The following DARS1 variants were observed in gnomAD, a reference collection of about 807,000 sequenced individuals.
The protein encoded by DARS1 is aspartate--tRNA ligase, cytoplasmic.
DARS1 carries 51 observed loss-of-function variants against 68.8 expected under a neutral mutation model. The observed-to-expected ratio is 0.74, with a 90% CI of 0.59 to 0.94. The LOEUF (loss-of-function observed/expected upper bound fraction) is 0.94. DARS1 is among the 40% of genes least tolerant of loss of function. The probability of loss-of-function intolerance (pLI) is 0.00; values close to 1 mark genes in which losing one functional copy is unlikely to be tolerated. For missense variants in DARS1, 607 were observed against 597.3 expected, an observed-to-expected ratio of 1.02 and a Z score of -0.17; for synonymous variants, 203 against 190.4, an observed-to-expected ratio of 1.07 and a Z score of -0.55.
At chr2:135,971,321 C>G (rs1682364344) in intron 3 of DARS1, among the ~76,000 whole-genome samples, 1 of 152,070 alleles carries the variant, frequency 6.6e-6, no homozygotes, top group African/African-American at 2.4e-5. Context: ...ATTGTATCAA[C>G]AGGATGAAGG....
rs1057521361 is a variant in DARS1 at position 135,961,518 on chromosome 2, C to A, written c.218-20G>T. 8.0e-6 allele frequency: 9 copies of A among 1,125,892 alleles called. No individual in the cohort carries two copies. Among genetic ancestry groups the A allele is most frequent in the Non-Finnish European group, 1.2e-5 (9 of 733,582 alleles). 69.7% of individuals were successfully genotyped at this position (1,125,892 alleles called of 1,614,324 possible). ...GTTTCCCTGAAAAAGACAGAAAGAA[C>A]ACAAATGTATTAAGGACACGCAACT... On this transcript the variant is annotated intron_variant, in intron 3 of 15. Transcript: ENST00000264161.
chr2:135,922,571 G>A (rs1015063849), intron 9 of DARS1, among the ~76,000 whole-genome samples: 2 of 152,068 alleles, frequency 1.3e-5, no homozygotes, highest in African/African-American at 4.8e-5. Context: ...ACTGTTTAAA[G>A]TACTATTGAC....
chr2:135,916,403 G>T (rs756075351), intron 10 of DARS1, 31 bp from the exon 11 acceptor site: 4 of 1,353,936 alleles, frequency 3.0e-6, no homozygotes, highest in Non-Finnish European at 4.2e-6. Flanking sequence ...TTAATAAAAT[G>T]TATGAGATAA....
intron 5 of DARS1, 180 bp downstream of exon 5, chr2:135,943,198 T>C: frequency 2.4e-6 from 2 of 816,712 alleles, no homozygotes; most frequent in Non-Finnish European, 3.5e-6. Flanking sequence ...TAAATGTTTG[T>C]TGTTTCAAGT....
In DARS1 at chr2:135,947,162, C is replaced by T. The variant is rs146821991; in HGVS notation, c.321-3682G>A. Among the ~76,000 whole-genome samples, 1,312 of 151,920 alleles carry T rather than the reference C, an allele frequency of 8.6e-3. 16 individuals carry two copies. The highest frequency in any genetic ancestry group is 0.028 in the African/African-American group (1,158 of 41,494). On this transcript the variant is annotated intron_variant, in intron 4 of 15. Coordinates refer to ENST00000264161, the MANE Select transcript of DARS1 (RefSeq NM_001349.4). ...GCTCATGCCTGTAATCCCAGCACTT[C>T]TGGGAGGTCGGGGTGGGTGGATGAC...
chr2:135,976,124 G>T (rs1293173833), intron 3 of DARS1, among the ~76,000 whole-genome samples: 2 of 152,160 alleles, frequency 1.3e-5, no homozygotes, highest in African/African-American at 4.8e-5. Flanking sequence ...AAATGATCAT[G>T]TAGAGCTACA....
chr2:135,922,907 C>T lies in DARS1; in HGVS notation c.688G>A (p.Gly230Arg), dbSNP rs898875887. Residue 230 changes from glycine to arginine, a missense_variant, in exon 9 of 16, where the codon GGA (glycine) becomes AGA (arginine). Gly to Arg is a moderately radical substitution (Grantham distance 125). Transcript: ENST00000264161. Reference protein sequence around the residue: ...TPKIISAASEGGANVFTVSYF... With the variant: ...TPKIISAASERGANVFTVSYF... ...GACACAGTAAAAACATTGGCTCCTCCTTCACTGGCAGCTGAAAGGTAAACA... is the reference window on the plus strand; with the variant it reads ...GACACAGTAAAAACATTGGCTCCTCTTTCACTGGCAGCTGAAAGGTAAACA... 22 of 1,544,014 alleles carry T rather than the reference C, an allele frequency of 1.4e-5. No individual in the cohort carries two copies. Among genetic ancestry groups the T allele is most frequent in the Non-Finnish European group, 1.7e-5 (20 of 1,149,036 alleles).
rs1680777535 is a variant in DARS1 at position 135,906,255 on chromosome 2, TTA to T, written c.*1059_*1060del. Among the ~76,000 whole-genome samples the T allele has an allele frequency of 6.6e-6, 1 of 152,204 alleles. No individual in the cohort carries two copies. The highest frequency in any genetic ancestry group is 1.5e-5 in the Non-Finnish European group (1 of 68,034). The stretch of plus-strand genomic sequence containing the variant: ...TTTTTTCTTCCTGTACAAAAATATG[TTA>T]TGTTTTGTTCCTCCCCAATATTTGT... On this transcript the variant is annotated 3_prime_UTR_variant, in exon 16 of 16. Coordinates refer to ENST00000264161, the MANE Select transcript of DARS1 (RefSeq NM_001349.4).
chr2:135,982,666 T>C (rs1306993022), intron 2 of DARS1, among the ~76,000 whole-genome samples: 5 of 151,404 alleles, frequency 3.3e-5, no homozygotes, highest in Non-Finnish European at 7.4e-5. Context: ...TAAGAAAAGA[T>C]AGACTGGGGT....
intron 3 of DARS1, among the ~76,000 whole-genome samples, chr2:135,965,344 G>A (rs977691916): frequency 7.9e-5 from 12 of 151,930 alleles, no homozygotes; most frequent in Non-Finnish European, 1.5e-5. Flanking sequence ...TAATACATAA[G>A]GATCTTAAAG....
rs182814004 is a variant in DARS1, at chr2:135,907,605, G to C, written c.1415-198C>G. ...TAAAGATGCTGCTATAAATGAAAAGGACTAAGTAATATATCCTTGAGTGGT... is the reference window on the plus strand; with the variant it reads ...TAAAGATGCTGCTATAAATGAAAAGCACTAAGTAATATATCCTTGAGTGGT... On this transcript the variant is annotated intron_variant, in intron 15 of 15. Coordinates refer to ENST00000264161, the MANE Select transcript of DARS1 (RefSeq NM_001349.4). 2.0e-5 allele frequency among the ~76,000 whole-genome samples: 3 copies of C among 152,236 alleles called. 1 individual carries two copies. Among genetic ancestry groups the C allele is most frequent in the Admixed American group, 2.0e-4 (3 of 15,284 alleles).
At chr2:135,934,795 ATTT>A (rs1014128109) in intron 5 of DARS1, among the ~76,000 whole-genome samples, 4 of 138,416 alleles carry the variant, frequency 2.9e-5, no homozygotes, top group Admixed American at 7.3e-5. Context: ...ACTTGCTATC[ATTT>A]TTTTTTTTTT....
intron 4 of DARS1, among the ~76,000 whole-genome samples, chr2:135,958,789 A>T (rs1331868843): frequency 6.6e-6 from 1 of 152,166 alleles, no homozygotes; most frequent in Non-Finnish European, 1.5e-5. Flanking sequence ...CTAGTGCCAA[A>T]AGTTTAATAA....
At chr2:135,975,882 G>A (rs562449251) in intron 3 of DARS1, among the ~76,000 whole-genome samples, 48 of 152,084 alleles carry the variant, frequency 3.2e-4, no homozygotes, top group African/African-American at 1.1e-3. Flanking sequence ...CCAGGAGGCA[G>A]AGGTTGCAAT....
At chr2:135,985,164 A>C in intron 1 of DARS1, 2 of 582,868 alleles carry the variant, frequency 3.4e-6, no homozygotes, top group Non-Finnish European at 5.7e-6. Context: ...CGTCCTCCCC[A>C]CCCCGGGGAC....
intron 3 of DARS1, among the ~76,000 whole-genome samples, chr2:135,962,133 T>C (rs1267646443): frequency 6.6e-6 from 1 of 152,208 alleles, no homozygotes; most frequent in Non-Finnish European, 1.5e-5. Flanking sequence ...ATAACTTATA[T>C]TGTCTATTAA....
chr2:135,943,313 G>A (rs560805990), intron 5 of DARS1, 65 bp downstream of exon 5: 1 of 1,556,922 alleles, frequency 6.4e-7, no homozygotes, highest in African/African-American at 1.4e-5. Flanking sequence ...ATATAAATTT[G>A]ACATGAAAAC....
intron 4 of DARS1, among the ~76,000 whole-genome samples, chr2:135,944,733 T>C (rs1681681291): frequency 6.6e-6 from 1 of 152,220 alleles, no homozygotes; most frequent in Non-Finnish European, 1.5e-5. Flanking sequence ...AAGGCTCTTC[T>C]GAGGCTTGAA....
chr2:135,919,164 G>A (rs1056808434), intron 10 of DARS1, among the ~76,000 whole-genome samples: 1 of 152,144 alleles, frequency 6.6e-6, no homozygotes, highest in Non-Finnish European at 1.5e-5. Context: ...CCAAGTAGCT[G>A]GGATTACAGG....
Sources: gnomAD v4.1 joint callset for allele counts (sites outside exome capture counted in the v4.1 genomes callset) on GRCh38, gnomAD v4.1.1 for gene constraint, MANE v1.5 for transcripts, NCBI Gene and HGNC (gene_info 2026-07-23, HGNC 2026-07-21) for gene names.